The following PGF variants were observed in gnomAD, a reference collection of about 807,000 sequenced individuals.
The protein encoded by PGF is placenta growth factor.
PGF carries 11 observed loss-of-function variants against 25.3 expected under a neutral mutation model. The observed-to-expected ratio is 0.43, with a 90% CI of 0.27 to 0.72. PGF has a LOEUF of 0.72. PGF is among the 30% of genes least tolerant of loss of function. PGF has a pLI of 0.18. For missense variants in PGF, 230 were observed against 234.9 expected, an observed-to-expected ratio of 0.98 and a Z score of 0.14; for synonymous variants, 105 against 97.9, an observed-to-expected ratio of 1.07 and a Z score of -0.43.
rs1330985296 is a variant in PGF, at chr14:74,950,493, C to T, written c.119-940G>A. On this transcript the variant is annotated intron_variant, in intron 2 of 6. Transcript: ENST00000555567. The surrounding 1 kb of genome is among the most constrained non-coding windows in gnomAD (Gnocchi z 4.1). ...CATCCCTGACCTCACGATGTCCTGG[C>T]GATCGTGAATGGGATCTTTTGGGGG... Among the ~76,000 whole-genome samples, 1 of 152,178 alleles carries T rather than the reference C, an allele frequency of 6.6e-6. No individual in the cohort carries two copies. The highest frequency in any genetic ancestry group is 1.5e-5 in the Non-Finnish European group (1 of 68,028).
chr14:74,951,415 A>G (rs2140408319), intron 2 of PGF, among the ~76,000 whole-genome samples: 1 of 152,342 alleles, frequency 6.6e-6, no homozygotes, highest in South Asian at 2.1e-4. Flanking sequence ...GTTTAGTTTA[A>G]AATCTTCATG....
At chr14:74,952,474 AT>A (rs1420113887) in intron 2 of PGF, among the ~76,000 whole-genome samples, 3 of 152,254 alleles carry the variant, frequency 2.0e-5, no homozygotes, top group African/African-American at 4.8e-5. Flanking sequence ...ATCTGTAAAA[AT>A]GGAGTACAAC....
intron 4 of PGF, 24 bp downstream of exon 4, chr14:74,948,483 A>T: frequency 6.7e-7 from 1 of 1,501,444 alleles, no homozygotes; most frequent in Non-Finnish European, 9.2e-7. Context: ...TTTCCTTGCT[A>T]CCCACCCGAC....
At chr14:74,954,124 G>T in intron 1 of PGF, 178 bp from the exon 2 acceptor site, 3 of 622,076 alleles carry the variant, frequency 4.8e-6, no homozygotes, top group East Asian at 2.8e-5. Context: ...CCCTGGGTAG[G>T]TTAGGTCCCA....
Position 74,955,475 on chromosome 14 carries a change from G to A in PGF, c.-233C>T. 2.6e-6 allele frequency: 1 copy of A among 388,194 alleles called. No homozygotes were observed. The highest frequency in any genetic ancestry group is 4.6e-6 in the Non-Finnish European group (1 of 219,246). The allele number at this position is 388,194 out of a possible 1,614,324, so 24.0% of individuals were successfully genotyped here. A position where few individuals can be genotyped will look rare whatever the true frequency, so the allele number is the denominator to read the frequency against. ...GACGGGGAGCGGCCCGGCGGGGCGG[G>A]GCGCCGAGGGGCAGGCGGGTCCCGG... On this transcript the variant is annotated 5_prime_UTR_variant, in exon 1 of 7. Coordinates refer to ENST00000555567, the MANE Select transcript of PGF (RefSeq NM_002632.6). This position sits in a 1 kb window ranked among gnomAD's most constrained non-coding sequence, Gnocchi z 4.1.
At position 74,953,777 on chromosome 14, in the gene PGF, A is replaced by G; in HGVS notation, c.118+127T>C. On this transcript the variant is annotated intron_variant, in intron 2 of 6. Coordinates refer to ENST00000555567, the MANE Select transcript of PGF (RefSeq NM_002632.6). This position sits in a 1 kb window ranked among gnomAD's most constrained non-coding sequence, Gnocchi z 5.4. ...GGCCCTGCCAAAGTCATCACCCAGCATGTCTAGCTTGTAGGCTCTCCCCAG... is the reference window on the plus strand; with the variant it reads ...GGCCCTGCCAAAGTCATCACCCAGCGTGTCTAGCTTGTAGGCTCTCCCCAG... 2 of 931,760 alleles carry G rather than the reference A, an allele frequency of 2.1e-6. No homozygotes were observed. The highest frequency in any genetic ancestry group is 1.6e-5 in the African/African-American group (1 of 62,092). The allele number at this position is 931,760 out of a possible 1,614,324, so 57.7% of individuals were successfully genotyped here. A position where few individuals can be genotyped will look rare whatever the true frequency, so the allele number is the denominator to read the frequency against.
rs1283743706 is a variant in PGF at position 74,950,035 on chromosome 14, G to A, written c.119-482C>T. 6.6e-6 allele frequency among the ~76,000 whole-genome samples: 1 copy of A among 152,044 alleles called. No homozygotes were observed. The highest frequency in any genetic ancestry group is 1.5e-5 in the Non-Finnish European group (1 of 68,020). Reference sequence around the variant, plus strand: ...CCACTCTGTGCCAGCTCCTCTGCCTGGCAACCAAGACCACATCCAGCAATG... The same window carrying A: ...CCACTCTGTGCCAGCTCCTCTGCCTAGCAACCAAGACCACATCCAGCAATG... On this transcript the variant is annotated intron_variant, in intron 2 of 6. Coordinates refer to ENST00000555567, the MANE Select transcript of PGF (RefSeq NM_002632.6). This position sits in a 1 kb window ranked among gnomAD's most constrained non-coding sequence, Gnocchi z 4.1.
At position 74,955,227 on chromosome 14, in the gene PGF, G is replaced by C. The variant is rs1387907405; in HGVS notation, c.16C>G (p.Leu6Val). 2 of 1,481,106 alleles carry C rather than the reference G, an allele frequency of 1.4e-6. No homozygotes were observed. Among genetic ancestry groups the C allele is most frequent in the East Asian group, 2.8e-5 (1 of 35,430 alleles). The allele number at this position is 1,481,106 out of a possible 1,614,324, so 91.7% of individuals were successfully genotyped here. The change falls in exon 1 of 7, where the codon CTG (leucine) becomes GTG (valine). Residue 6 changes from leucine (L) to valine (V), a missense_variant. Coordinates refer to ENST00000555567, the MANE Select transcript of PGF (RefSeq NM_002632.6). This position sits in a 1 kb window ranked among gnomAD's most constrained non-coding sequence, Gnocchi z 4.1. Reference sequence around the variant, plus strand: ...AGGAGCTGCAGGAAGCAAGGGAACAGCCTCATGACCGGCATCTTCTCAGAC... The same window carrying C: ...AGGAGCTGCAGGAAGCAAGGGAACACCCTCATGACCGGCATCTTCTCAGAC... MPVMR[L>V]FPCFLQLLAG...
In PGF at chr14:74,955,450, G is replaced by C. The variant is rs904087592; in HGVS notation, c.-208C>G. 20 of 395,788 alleles carry C rather than the reference G, an allele frequency of 5.1e-5. No individual in the cohort carries two copies. Among genetic ancestry groups the C allele is most frequent in the Non-Finnish European group, 8.5e-5 (19 of 223,942 alleles). The allele number at this position is 395,788 out of a possible 1,614,324, so 24.5% of individuals were successfully genotyped here. On this transcript the variant is annotated 5_prime_UTR_variant, in exon 1 of 7. Transcript: ENST00000555567. The surrounding 1 kb of genome is among the most constrained non-coding windows in gnomAD (Gnocchi z 4.1). ...AGGTAAGGCTGTGGCTGGGGAACCC[G>C]ACGGGGAGCGGCCCGGCGGGGCGGG...
At chr14:74,949,198 C>G (rs1341294701) in intron 3 of PGF, among the ~76,000 whole-genome samples, 159 bp downstream of exon 3, 1 of 152,132 alleles carries the variant, frequency 6.6e-6, no homozygotes, top group East Asian at 1.9e-4. Context: ...GGCTCAGAGC[C>G]ATCGGAGGGC....
intron 6 of PGF, among the ~76,000 whole-genome samples, chr14:74,943,390 A>G (rs1888648003): frequency 6.6e-6 from 1 of 152,258 alleles, no homozygotes; most frequent in Admixed American, 6.5e-5. Context: ...GTCTTGAGAA[A>G]GAAAATATGG....
chr14:74,949,472 C>T lies in PGF; in HGVS notation c.200G>A (p.Ser67Asn), dbSNP rs763890035. 2 of 1,612,284 alleles carry T rather than the reference C, an allele frequency of 1.2e-6. No individual in the cohort carries two copies. The highest frequency in any genetic ancestry group is 1.1e-5 in the South Asian group (1 of 90,964). ...RLVDVVSEYP[S>N]EVEHMFSPSC... is the part of the protein sequence containing the mutation. ...TGGGCTGAACATGTGCTCCACCTCG[C>T]TGGGGTACTCGGACACGACGTCCAC... is the stretch of plus-strand genomic sequence containing the variant. The change falls in exon 3 of 7, where the codon AGC (serine) becomes AAC (asparagine). Residue 67 changes from serine to asparagine, a missense_variant. By Grantham distance (46) the Ser-to-Asn change is conservative. Coordinates refer to ENST00000555567, the MANE Select transcript of PGF (RefSeq NM_002632.6).
At chr14:74,944,188 C>T (rs919365426) in intron 6 of PGF, among the ~76,000 whole-genome samples, 29 of 149,988 alleles carry the variant, frequency 1.9e-4, no homozygotes, top group East Asian at 3.9e-4. Flanking sequence ...CTGCAAGTTC[C>T]GCCTCCCGGG....
At chr14:74,948,391 G>C (rs980456784) in intron 4 of PGF, 116 bp downstream of exon 4, 2 of 581,908 alleles carry the variant, frequency 3.4e-6, no homozygotes, top group African/African-American at 3.8e-5. Context: ...CTGGAAAAAA[G>C]TTCAGCCCGC....
rs1364986694 is a variant in PGF, at chr14:74,942,647, AGT to A, written c.*57_*58del. The A allele has an allele frequency of 5.3e-6, 8 of 1,505,414 alleles. No individual in the cohort carries two copies. In the Admixed American group the frequency reaches 1.4e-4, roughly 26 times the overall value. The allele number at this position is 1,505,414 out of a possible 1,614,324, so 93.3% of individuals were successfully genotyped here. A position where few individuals can be genotyped will look rare whatever the true frequency, so the allele number is the denominator to read the frequency against. On this transcript the variant is annotated 3_prime_UTR_variant, in exon 7 of 7. Coordinates refer to ENST00000555567, the MANE Select transcript of PGF (RefSeq NM_002632.6). ...CAGGTACCAGCAGGAGTCACTGAAG[AGT>A]GTGACGGTAATAAATACACGAGCCG... is the stretch of plus-strand genomic sequence containing the variant.
At chr14:74,948,343 T>C (rs972388735) in intron 4 of PGF, 164 bp downstream of exon 4, 2 of 497,342 alleles carry the variant, frequency 4.0e-6, no homozygotes, top group Non-Finnish European at 3.6e-6. Context: ...AAATGAATGG[T>C]AGCCACCCCT....
chr14:74,943,133 A>T (rs1025160367), intron 6 of PGF, among the ~76,000 whole-genome samples: 1 of 152,196 alleles, frequency 6.6e-6, no homozygotes, highest in Admixed American at 6.5e-5. Context: ...ACCCTAAGAC[A>T]GCAGTCTCCA....
In PGF at chr14:74,950,814, A is replaced by G. The variant is rs1402277986; in HGVS notation, c.119-1261T>C. ...CAGCCCAGAGACCATGGACAGAGAAACACCCCCAGGCCTGGGTCATCCTGC... is the reference window on the plus strand; with the variant it reads ...CAGCCCAGAGACCATGGACAGAGAAGCACCCCCAGGCCTGGGTCATCCTGC... On this transcript the variant is annotated intron_variant, in intron 2 of 6. Coordinates refer to ENST00000555567, the MANE Select transcript of PGF (RefSeq NM_002632.6). The surrounding 1 kb of genome is among the most constrained non-coding windows in gnomAD (Gnocchi z 4.1). Among the ~76,000 whole-genome samples, 1 of 152,184 alleles carries G rather than the reference A, an allele frequency of 6.6e-6. No homozygotes were observed. The highest frequency in any genetic ancestry group is 1.5e-5 in the Non-Finnish European group (1 of 68,024).
intron 2 of PGF, 70 bp from the exon 3 acceptor site, chr14:74,949,623 C>T: frequency 7.9e-7 from 1 of 1,267,318 alleles, no homozygotes; most frequent in Non-Finnish European, 1.1e-6. Flanking sequence ...ACCTGGCTCC[C>T]AAGGCCCTGC....
Sources: gnomAD v4.1 joint callset for allele counts (sites outside exome capture counted in the v4.1 genomes callset) on GRCh38, gnomAD v4.1.1 for gene constraint, Gnocchi (gnomAD v3.1) non-coding constraint, MANE v1.5 for transcripts, NCBI Gene and HGNC (gene_info 2026-07-23, HGNC 2026-07-21) for gene names.